Variants in AGK observed in about 807,000 individuals in gnomAD.
AGK encodes acylglycerol kinase, also known as acylglycerol kinase, mitochondrial.
A neutral mutation model predicts 66.4 loss-of-function variants in AGK; 52 were observed. That is an observed-to-expected ratio of 0.78 (90% CI 0.63 to 0.99). The LOEUF is 0.99. Among genes scored for constraint, AGK ranks in the 50% least tolerant of loss-of-function variants. The pLI is 0.00. For missense variants in AGK, 451 were observed against 506.6 expected (o/e 0.89, Z 1.05); for synonymous variants, 182 against 181.1 (o/e 1.00, Z -0.04).
intron 2 of AGK, 117 bp from the exon 3 acceptor site, chr7:141,593,029 C>A: frequency 1.2e-6 from 1 of 821,290 alleles, no homozygotes; most frequent in Non-Finnish European, 2.0e-6. Context: ...AAGGAACTTT[C>A]ACTGGGGTGT....
chr7:141,647,815 C>T (rs537580970), intron 13 of AGK, among the ~76,000 whole-genome samples: 50 of 152,088 alleles, frequency 3.3e-4, no homozygotes, highest in Non-Finnish European at 6.9e-4. Context: ...GGATTACAGG[C>T]GCCCGCCACC....
chr7:141,591,082 G>GTTTTTTTT (rs60762855), intron 2 of AGK, among the ~76,000 whole-genome samples: 1 of 61,040 alleles, frequency 1.6e-5, no homozygotes, highest in Non-Finnish European at 2.9e-5. Context: ...TTCTTAAGTT[G>GTTTTTTTT]TTTTTTTTTT....
At chr7:141,591,356 G>C (rs1316282286) in intron 2 of AGK, among the ~76,000 whole-genome samples, 1 of 152,052 alleles carries the variant, frequency 6.6e-6, no homozygotes, top group Non-Finnish European at 1.5e-5. Flanking sequence ...TCCTCCCAAA[G>C]TGCTAAGATT....
In AGK at chr7:141,614,596, T is replaced by A. The variant is rs182411289; in HGVS notation, c.423+418T>A. 2.2e-3 allele frequency among the ~76,000 whole-genome samples: 332 copies of A among 152,158 alleles called. 1 individual carries two copies. Among genetic ancestry groups the A allele is most frequent in the Middle Eastern group, 6.8e-3 (2 of 294 alleles). On this transcript the variant is annotated intron_variant, in intron 7 of 15. Coordinates refer to ENST00000649286, the MANE Select transcript of AGK (RefSeq NM_018238.4). ...CAGGTTGCCCAGGTATGTTATGCAT[T>A]TCTACAGTGTTTTAAAATTCAGAAA...
At chr7:141,577,481 C>T (rs551461644) in intron 2 of AGK, among the ~76,000 whole-genome samples, 2 of 152,226 alleles carry the variant, frequency 1.3e-5, no homozygotes, top group South Asian at 4.1e-4. Context: ...GTCATGTGAC[C>T]ACAAAAAATT....
Position 141,649,311 on chromosome 7 carries a change from A to G in AGK, c.1024A>G (p.Lys342Glu). The G allele has an allele frequency of 6.2e-7, 1 of 1,613,586 alleles. No individual in the cohort carries two copies. The highest frequency in any genetic ancestry group is 1.7e-4 in the Middle Eastern group (1 of 6,060). ...NICIEPDTIS[K>E]GDFITIGSRK... ...CTGCATTGAACCTGACACCATCAGC[A>G]AAGGAGACTTTATAACTATAGGGTA... The change falls in exon 14 of 16, where the codon AAA becomes GAA. Residue 342 changes from lysine (K) to glutamate (E), a missense_variant. Physicochemically the swap from Lys to Glu is moderately conservative, Grantham distance 56. Transcript: ENST00000649286.
chr7:141,646,143 A>T (rs1797406371), intron 13 of AGK, among the ~76,000 whole-genome samples: 1 of 152,108 alleles, frequency 6.6e-6, no homozygotes, highest in South Asian at 2.1e-4. Flanking sequence ...AGGCAGCTAG[A>T]ATTGCAAGGC....
At chr7:141,626,597 A>G (rs1440362283) in intron 9 of AGK, among the ~76,000 whole-genome samples, 2 of 152,224 alleles carry the variant, frequency 1.3e-5, no homozygotes, top group Non-Finnish European at 2.9e-5. Flanking sequence ...AACATCACCT[A>G]TGTATTTTGC....
At chr7:141,606,894 C>T (rs1796471862) in intron 5 of AGK, among the ~76,000 whole-genome samples, 1 of 152,114 alleles carries the variant, frequency 6.6e-6, no homozygotes. Context: ...TTTAAAATGT[C>T]ATATAGTTGG....
In AGK at chr7:141,555,306, AGAG is replaced by A. The variant is rs948704502; in HGVS notation, c.-14-143_-14-141del. On this transcript the variant is annotated intron_variant, in intron 1 of 15. Transcript: ENST00000649286. This position sits in a 1 kb window ranked among gnomAD's most constrained non-coding sequence, Gnocchi z 4.2. ...AGAAGGGAGAAGATGAGCTGAGGCC[AGAG>A]GAGAAGTGGTAAGGAGGAAGAGGAG... is the stretch of plus-strand genomic sequence containing the variant. 2.2e-5 allele frequency: 12 copies of A among 542,782 alleles called. No homozygotes were observed. The highest frequency in any genetic ancestry group is 1.9e-4 in the African/African-American group (10 of 51,596). 33.6% of individuals were successfully genotyped at this position (542,782 alleles called of 1,614,324 possible). A position where few individuals can be genotyped will look rare whatever the true frequency, so the allele number is the denominator to read the frequency against.
intron 9 of AGK, among the ~76,000 whole-genome samples, chr7:141,628,908 G>T (rs1404799161): frequency 6.6e-6 from 1 of 152,150 alleles, no homozygotes; most frequent in Non-Finnish European, 1.5e-5. Context: ...TACTGGGAAG[G>T]TTTATAGAAT....
At chr7:141,607,656 A>G (rs1372641797) in intron 5 of AGK, among the ~76,000 whole-genome samples, 1 of 151,950 alleles carries the variant, frequency 6.6e-6, no homozygotes, top group Non-Finnish European at 1.5e-5. Flanking sequence ...TTAATTTATC[A>G]ATTTTTTTTT....
intron 2 of AGK, among the ~76,000 whole-genome samples, chr7:141,584,402 C>T (rs925749414): frequency 2.0e-5 from 3 of 152,184 alleles, no homozygotes; most frequent in African/African-American, 7.2e-5. Flanking sequence ...ATGCAGGTCA[C>T]AGGGGATACG....
At chr7:141,626,308 A>T (rs966983282) in intron 9 of AGK, among the ~76,000 whole-genome samples, 3 of 152,240 alleles carry the variant, frequency 2.0e-5, no homozygotes, top group African/African-American at 7.2e-5. Flanking sequence ...CAGGATTGCC[A>T]GCTTGTAAAT....
intron 2 of AGK, among the ~76,000 whole-genome samples, chr7:141,575,654 CTTTTTTTTTTTTTT>C (rs58292692): frequency 6.9e-5 from 4 of 58,250 alleles, no homozygotes; most frequent in Non-Finnish European, 1.3e-4. Context: ...TTACAAAGGC[CTTTTTTTTTTTTTT>C]TTTTTTTTTT....
intron 13 of AGK, 59 bp downstream of exon 13, chr7:141,641,967 T>G: frequency 1.5e-6 from 2 of 1,329,210 alleles, no homozygotes; most frequent in Non-Finnish European, 2.1e-6. Context: ...ACAATAGCTA[T>G]AGTCCTCTCC....
chr7:141,561,617 T>A (rs1174978011), intron 2 of AGK, among the ~76,000 whole-genome samples: 2 of 152,076 alleles, frequency 1.3e-5, no homozygotes, highest in African/African-American at 4.8e-5. Flanking sequence ...TGGAATTATT[T>A]TTTTTTTCTT....
At chr7:141,599,177 T>C (rs1385141417) in intron 4 of AGK, 4 of 152,302 alleles carry the variant, frequency 2.6e-5, no homozygotes, top group Middle Eastern at 3.4e-3. Context: ...CATAGCTCTG[T>C]CCTGACACAT....
chr7:141,570,214 C>T (rs762998632), intron 2 of AGK, among the ~76,000 whole-genome samples: 7 of 151,964 alleles, frequency 4.6e-5, no homozygotes, highest in African/African-American at 7.3e-5. Flanking sequence ...AAGGAAGCCG[C>T]GTCTCTACTA....
Sources: gnomAD v4.1 joint callset for allele counts (sites outside exome capture counted in the v4.1 genomes callset) on GRCh38, gnomAD v4.1.1 for gene constraint, Gnocchi (gnomAD v3.1) non-coding constraint, MANE v1.5 for transcripts, NCBI Gene and HGNC (gene_info 2026-07-23, HGNC 2026-07-21) for gene names.